Variants in ATP1B1 observed in about 807,000 individuals in gnomAD.
The protein encoded by ATP1B1 is sodium/potassium-transporting ATPase subunit beta-1.
A neutral mutation model predicts 39.6 loss-of-function variants in ATP1B1; 3 were observed. The ratio of observed to expected loss-of-function variants is 0.08; its 90% CI spans 0.03 to 0.20. The LOEUF (loss-of-function observed/expected upper bound fraction) is 0.20. Among genes scored for constraint, ATP1B1 ranks in the 10% least tolerant of loss-of-function variants. ATP1B1 has a pLI of 1.00. For synonymous variants in ATP1B1, 139 were observed against 135.0 expected (o/e 1.03, Z -0.20); for missense variants, 216 against 371.1 (o/e 0.58, Z 3.43).
At chr1:169,127,494 TTAAA>T in intron 4 of ATP1B1, 86 bp downstream of exon 4, 2 of 1,434,340 alleles carry the variant, frequency 1.4e-6, no homozygotes, top group Non-Finnish European at 1.9e-6. Context: ...TAAGATAGTT[TTAAA>T]GTATACTCAG....
At chr1:169,115,807 A>G (rs1257970460) in intron 2 of ATP1B1, among the ~76,000 whole-genome samples, 1 of 152,256 alleles carries the variant, frequency 6.6e-6, no homozygotes, top group African/African-American at 2.4e-5. Flanking sequence ...CATTTGGGAA[A>G]CATGTTTTTA....
chr1:169,109,302 G>C (rs1224000125), intron 1 of ATP1B1, among the ~76,000 whole-genome samples: 1 of 152,088 alleles, frequency 6.6e-6, no homozygotes, highest in African/African-American at 2.4e-5. Context: ...GCGTGAAAGG[G>C]AGATGCCTCT....
intron 2 of ATP1B1, among the ~76,000 whole-genome samples, chr1:169,114,100 T>C (rs72693563): frequency 0.16 from 24,475 of 151,638 alleles, 2,152 homozygotes; most frequent in African/African-American, 0.23. Flanking sequence ...AGTGCAGCTC[T>C]TGGGCCACCC....
chr1:169,109,426 A>G (rs1446012824), intron 1 of ATP1B1, among the ~76,000 whole-genome samples: 2 of 151,826 alleles, frequency 1.3e-5, no homozygotes, highest in Admixed American at 6.6e-5. Context: ...GAGCCACTGC[A>G]TAGGCCCCTC....
In ATP1B1 at chr1:169,132,023, T is replaced by TTTC; in HGVS notation, c.*470_*471insCTT. 8.3e-6 allele frequency: 2 copies of TTTC among 239,536 alleles called. No individual in the cohort carries two copies. The highest frequency in any genetic ancestry group is 1.6e-5 in the Non-Finnish European group (2 of 128,574). The allele number at this position is 239,536 out of a possible 1,614,324, so 14.8% of individuals were successfully genotyped here. On this transcript the variant is annotated 3_prime_UTR_variant, in exon 6 of 6. Coordinates refer to ENST00000367815, the MANE Select transcript of ATP1B1 (RefSeq NM_001677.4). ...GGGAATAAAACTGGCATGGTAATTT[T>TTTC]TTTTTTTTTTTTTTTTTTGTTTTTT...
intron 2 of ATP1B1, among the ~76,000 whole-genome samples, chr1:169,114,651 T>TTTA (rs1349595894): frequency 6.6e-6 from 1 of 152,116 alleles, no homozygotes; most frequent in African/African-American, 2.4e-5. Flanking sequence ...GGAAGTGAAA[T>TTTA]GTAAGAAAAA....
At chr1:169,125,277 G>T (rs1169985564) in intron 3 of ATP1B1, among the ~76,000 whole-genome samples, 1 of 152,016 alleles carries the variant, frequency 6.6e-6, no homozygotes, top group East Asian at 1.9e-4. Flanking sequence ...ACACTCCTAG[G>T]TACTATTTTT....
chr1:169,124,827 T>A lies in ATP1B1; in HGVS notation c.227-57T>A, dbSNP rs184720505. The A allele has an allele frequency of 3.2e-6, 5 of 1,573,750 alleles. No individual in the cohort carries two copies. The African/African-American group carries it at 4.1e-5, about 13-fold the overall frequency. ...ATGTTTTGTATGTGGAAAGTCTACT[T>A]TTGAATTGTCTTCGTTTCTGCCTTC... is the stretch of plus-strand genomic sequence containing the variant. On this transcript the variant is annotated intron_variant, in intron 2 of 5. Coordinates refer to ENST00000367815, the MANE Select transcript of ATP1B1 (RefSeq NM_001677.4).
At chr1:169,124,189 A>AG (rs1325063904) in intron 2 of ATP1B1, among the ~76,000 whole-genome samples, 1 of 152,148 alleles carries the variant, frequency 6.6e-6, no homozygotes, top group Non-Finnish European at 1.5e-5. Context: ...AATGTAACAG[A>AG]GTTTTAGAGA....
chr1:169,110,732 C>CT (rs1354212120), intron 1 of ATP1B1: 1 of 1,238,914 alleles, frequency 8.1e-7, no homozygotes, highest in South Asian at 1.3e-5. Context: ...ATAGAATTTT[C>CT]TTTTTTTCCC....
At chr1:169,120,212 C>G (rs1440232212) in intron 2 of ATP1B1, among the ~76,000 whole-genome samples, 1 of 152,148 alleles carries the variant, frequency 6.6e-6, no homozygotes, top group Non-Finnish European at 1.5e-5. Flanking sequence ...AAGGAGGCAG[C>G]GGCCACTTGA....
At chr1:169,121,036 C>T (rs530646521) in intron 2 of ATP1B1, among the ~76,000 whole-genome samples, 133 of 151,606 alleles carry the variant, frequency 8.8e-4, no homozygotes, top group Admixed American at 1.6e-3. Context: ...CAACCTCTGC[C>T]TCTTGGGCTC....
At position 169,122,726 on chromosome 1, in the gene ATP1B1, A is replaced by G. The variant is rs541008920; in HGVS notation, c.227-2158A>G. Among the ~76,000 whole-genome samples the G allele has an allele frequency of 2.4e-3, 331 of 138,016 alleles. 1 individual carries two copies. Among genetic ancestry groups the G allele is most frequent in the African/African-American group, 8.3e-3 (314 of 37,850 alleles). The allele number at this position is 138,016 out of a possible 152,430, so 90.5% of individuals were successfully genotyped here. On this transcript the variant is annotated intron_variant, in intron 2 of 5. Transcript: ENST00000367815. ...TGTCCCCCATAATTCTTCAGGTTCT[A>G]CATCATCCTTTTCAGGATGATTTTT... is the stretch of plus-strand genomic sequence containing the variant.
intron 4 of ATP1B1, among the ~76,000 whole-genome samples, chr1:169,129,065 T>C (rs916074766): frequency 6.6e-6 from 1 of 152,218 alleles, no homozygotes; most frequent in African/African-American, 2.4e-5. Flanking sequence ...GCATTTTCTC[T>C]ACATATTTTT....
chr1:169,115,982 C>A (rs1005822293), intron 2 of ATP1B1, among the ~76,000 whole-genome samples: 2 of 152,112 alleles, frequency 1.3e-5, no homozygotes, highest in African/African-American at 4.8e-5. Context: ...TCTGTTGATG[C>A]AGTTGGATCT....
intron 1 of ATP1B1, among the ~76,000 whole-genome samples, chr1:169,110,281 A>G (rs1013237942): frequency 6.6e-6 from 1 of 152,134 alleles, no homozygotes; most frequent in Non-Finnish European, 1.5e-5. Context: ...CTTCTTTTCA[A>G]TAATACTGTT....
At chr1:169,118,672 T>G (rs1657907419) in intron 2 of ATP1B1, among the ~76,000 whole-genome samples, 1 of 152,256 alleles carries the variant, frequency 6.6e-6, no homozygotes, top group South Asian at 2.1e-4. Flanking sequence ...TGTGTGTTTA[T>G]GTGTACATAT....
chr1:169,111,661 C>T (rs1345819248), intron 2 of ATP1B1, among the ~76,000 whole-genome samples, 163 bp downstream of exon 2: 3 of 152,226 alleles, frequency 2.0e-5, no homozygotes, highest in Admixed American at 6.5e-5. Flanking sequence ...ATGTCCTACC[C>T]GCATTGCAGG....
rs563141299 is a variant in ATP1B1 at position 169,110,609 on chromosome 1, C to G, written c.98-761C>G. 5 of 1,129,552 alleles carry G rather than the reference C, an allele frequency of 4.4e-6. No homozygotes were observed. In the African/African-American group the frequency reaches 7.1e-5, roughly 16 times the overall value. The allele number at this position is 1,129,552 out of a possible 1,614,324, so 70.0% of individuals were successfully genotyped here. A position where few individuals can be genotyped will look rare whatever the true frequency, so the allele number is the denominator to read the frequency against. On this transcript the variant is annotated intron_variant, in intron 1 of 5. Coordinates refer to ENST00000367815, the MANE Select transcript of ATP1B1 (RefSeq NM_001677.4). ...TTTGCTTTTGCAGCTATTTCAGCCT[C>G]CATCCTGTTGTCTTGTTAACTATGG...
Sources: allele counts gnomAD v4.1 joint callset (sites outside exome capture counted in the v4.1 genomes callset), GRCh38; gene constraint gnomAD v4.1.1; transcripts MANE v1.5; gene names NCBI Gene and HGNC (gene_info 2026-07-23, HGNC 2026-07-21).